SHISA9: variants seen among roughly 807,000 people sequenced by gnomAD.
SHISA9 encodes the protein shisa family member 9.
SHISA9 carries 13 observed loss-of-function variants against 38.0 expected under a neutral mutation model. The ratio of observed to expected loss-of-function variants is 0.34; its 90% CI spans 0.22 to 0.54. SHISA9 has a LOEUF of 0.54. Among genes scored for constraint, SHISA9 ranks in the 20% least tolerant of loss-of-function variants. The pLI is 0.91. For synonymous variants in SHISA9, 275 were observed against 242.0 expected, an observed-to-expected ratio of 1.14 and a Z score of -1.27; for missense variants, 538 against 575.8, an observed-to-expected ratio of 0.93 and a Z score of 0.67.
chr16:13,154,576 G>A (rs1225558545), intron 2 of SHISA9, among the ~76,000 whole-genome samples: 1 of 152,204 alleles, frequency 6.6e-6, no homozygotes, highest in Non-Finnish European at 1.5e-5. Flanking sequence ...GTATGAGAGA[G>A]AAGAATCATG....
At chr16:13,445,375 G>C in the SHISA9 span, among the ~76,000 whole-genome samples, 1 of 152,072 alleles carries the variant, frequency 6.6e-6, no homozygotes, top group African/African-American at 2.4e-5. Flanking sequence ...AAGCTTTGTG[G>C]AGATAAAGGT....
intron 1 of SHISA9, among the ~76,000 whole-genome samples, chr16:12,906,922 G>A (rs1426997022): frequency 6.6e-6 from 1 of 152,092 alleles, no homozygotes; most frequent in African/African-American, 2.4e-5. Context: ...GGGCAAAACT[G>A]GCCCCAGTTG....
At chr16:13,224,808 G>A (rs1046394024) in intron 4 of SHISA9, among the ~76,000 whole-genome samples, 4 of 152,166 alleles carry the variant, frequency 2.6e-5, no homozygotes, top group Non-Finnish European at 5.9e-5. Context: ...GTAGCCTTTG[G>A]TCACAGGTCC....
intron 2 of SHISA9, among the ~76,000 whole-genome samples, chr16:13,199,983 C>A (rs1043475851): frequency 2.9e-4 from 44 of 152,132 alleles, no homozygotes; most frequent in African/African-American, 9.9e-4. Context: ...CCAGTGCTAA[C>A]GAATTAACAT....
At chr16:13,172,136 A>C (rs762377888) in intron 2 of SHISA9, among the ~76,000 whole-genome samples, 5 of 151,870 alleles carry the variant, frequency 3.3e-5, no homozygotes, top group Non-Finnish European at 7.4e-5. Flanking sequence ...GCTTCTTTTA[A>C]CTTTAGGACT....
intron 2 of SHISA9, among the ~76,000 whole-genome samples, chr16:13,171,430 G>C (rs2050685459): frequency 6.6e-6 from 1 of 151,890 alleles, no homozygotes; most frequent in African/African-American, 2.4e-5. Context: ...ATGTCATGGA[G>C]GAGGGACTTG....
rs189841652 is a variant in SHISA9 at position 13,172,566 on chromosome 16, T to G, written c.692-30828T>G. On this transcript the variant is annotated intron_variant, in intron 2 of 4. Transcript: ENST00000558583. ...CATCTAGGGCTCCTCAGTTTCTTTT[T>G]TGTGTGTGTGAAATAACAATGAAAA... Among the ~76,000 whole-genome samples the G allele has an allele frequency of 2.7e-3, 414 of 152,290 alleles. 4 individuals are homozygous for G. The highest frequency in any genetic ancestry group is 0.025 in the Admixed American group (381 of 15,296).
At chr16:13,529,240 A>C in the SHISA9 span, among the ~76,000 whole-genome samples, 1 of 152,212 alleles carries the variant, frequency 6.6e-6, no homozygotes, top group South Asian at 2.1e-4. Context: ...TGCCAGGCAA[A>C]AGTTAACTCA....
intron 2 of SHISA9, among the ~76,000 whole-genome samples, chr16:13,202,141 C>A (rs1368990368): frequency 8.2e-6 from 1 of 121,514 alleles, no homozygotes; most frequent in Non-Finnish European, 1.7e-5. Flanking sequence ...GTGACACTTA[C>A]CAGTGTTCAC....
At chr16:13,311,124 C>T in the SHISA9 span, among the ~76,000 whole-genome samples, 2 of 152,092 alleles carry the variant, frequency 1.3e-5, no homozygotes, top group Admixed American at 6.6e-5. Context: ...CTCTGTCTCT[C>T]GTTTCTGCTT....
chr16:13,348,583 A>G, the SHISA9 span, among the ~76,000 whole-genome samples: 1 of 151,738 alleles, frequency 6.6e-6, no homozygotes, highest in Non-Finnish European at 1.5e-5. Context: ...AGCAGCAGCC[A>G]TTCAGTCTCC....
the SHISA9 span, among the ~76,000 whole-genome samples, chr16:13,444,577 C>T: frequency 1.6e-4 from 25 of 152,142 alleles, no homozygotes; most frequent in Admixed American, 1.3e-3. Context: ...ATCTACTAGT[C>T]TTGATTGTCT....
chr16:13,115,632 C>T (rs563781494), intron 2 of SHISA9, among the ~76,000 whole-genome samples: 40 of 152,278 alleles, frequency 2.6e-4, no homozygotes, highest in South Asian at 1.2e-3. Flanking sequence ...TATTTATGGC[C>T]AGTTTTGGAG....
chr16:13,542,695 T>C, the SHISA9 span, among the ~76,000 whole-genome samples: 2 of 152,212 alleles, frequency 1.3e-5, no homozygotes, highest in Admixed American at 1.3e-4. Flanking sequence ...TCCAGCCTCT[T>C]TGGACTACAA....
chr16:12,914,546 A>C (rs145915097), intron 1 of SHISA9, among the ~76,000 whole-genome samples: 1,675 of 152,234 alleles, frequency 0.011, 10 homozygotes, highest in Middle Eastern at 0.048. Flanking sequence ...GTCTCTTAGC[A>C]GACTCAGTCT....
intron 4 of SHISA9, among the ~76,000 whole-genome samples, chr16:13,216,671 C>T (rs909120443): frequency 4.6e-5 from 7 of 152,048 alleles, no homozygotes; most frequent in African/African-American, 1.7e-4. Context: ...GGTAGAGGTG[C>T]AGATGTCACT....
chr16:12,989,969 C>T (rs922616818), intron 2 of SHISA9, among the ~76,000 whole-genome samples: 1 of 152,090 alleles, frequency 6.6e-6, no homozygotes, highest in Non-Finnish European at 1.5e-5. Flanking sequence ...TGTGTTGTTC[C>T]CCTCGCTGTG....
chr16:13,306,003 A>C, the SHISA9 span, among the ~76,000 whole-genome samples: 1 of 152,246 alleles, frequency 6.6e-6, no homozygotes, highest in Non-Finnish European at 1.5e-5. Flanking sequence ...TAGGATGGAA[A>C]GATAATCACT....
intron 2 of SHISA9, among the ~76,000 whole-genome samples, chr16:13,034,146 CAA>C (rs35039631): frequency 0.61 from 86,179 of 141,314 alleles, 26,168 homozygotes; most frequent in Middle Eastern, 0.71. Context: ...AACTCCATCT[CAA>C]AAAAAAAAAA....
Sources: allele counts gnomAD v4.1 joint callset (sites outside exome capture counted in the v4.1 genomes callset), GRCh38; gene constraint gnomAD v4.1.1; transcripts MANE v1.5; gene names NCBI Gene and HGNC (gene_info 2026-07-23, HGNC 2026-07-21).